Variants in CNTN6 observed in about 807,000 individuals in gnomAD.
The protein encoded by CNTN6 is contactin 6, also known as contactin-6.
In CNTN6, 137 loss-of-function variants were observed where a neutral mutation model predicts 122.8. That is an observed-to-expected ratio of 1.12 (90% CI 0.97 to 1.29). The LOEUF (loss-of-function observed/expected upper bound fraction) is 1.29, where lower values mean the gene tolerates loss of function less well. Ranked by LOEUF, CNTN6 falls within the 50% of genes most tolerant of loss-of-function variation. The pLI is 0.00. For missense variants in CNTN6, 1,634 were observed against 1,223.4 expected, an observed-to-expected ratio of 1.34 and a Z score of -5.01; for synonymous variants, 570 against 426.0, an observed-to-expected ratio of 1.34 and a Z score of -4.16.
chr3:1,200,734 G>A (rs1459939536), intron 2 of CNTN6, among the ~76,000 whole-genome samples: 1 of 152,078 alleles, frequency 6.6e-6, no homozygotes, highest in South Asian at 2.1e-4. Flanking sequence ...CTCAGGATTA[G>A]TTCCTCATTC....
At chr3:1,102,397 G>A (rs190287218) in intron 1 of CNTN6, among the ~76,000 whole-genome samples, 13 of 152,288 alleles carry the variant, frequency 8.5e-5, no homozygotes, top group Admixed American at 1.3e-4. Context: ...CAGAAATCAG[G>A]TGTGCCGCTA....
chr3:1,273,941 C>T (rs1280905538), intron 4 of CNTN6, among the ~76,000 whole-genome samples: 1 of 152,158 alleles, frequency 6.6e-6, no homozygotes, highest in African/African-American at 2.4e-5. Flanking sequence ...GATTGTGGAG[C>T]ACTGACAATG....
At chr3:1,388,284 A>ACCC (rs555674688) in intron 20 of CNTN6, among the ~76,000 whole-genome samples, 1 of 147,598 alleles carries the variant, frequency 6.8e-6, no homozygotes, top group Non-Finnish European at 1.5e-5. Context: ...ACTGGGAGGC[A>ACCC]CCCCCCAGCA....
intron 8 of CNTN6, among the ~76,000 whole-genome samples, 157 bp downstream of exon 8, chr3:1,321,991 G>T (rs548886469): frequency 6.6e-6 from 1 of 151,576 alleles, no homozygotes; most frequent in East Asian, 1.9e-4. Context: ...TAGCAGATGG[G>T]AATGACCACC....
At chr3:1,107,570 A>T (rs1470058248) in intron 1 of CNTN6, among the ~76,000 whole-genome samples, 1 of 152,124 alleles carries the variant, frequency 6.6e-6, no homozygotes, top group Non-Finnish European at 1.5e-5. Flanking sequence ...ACTCCAAAAG[A>T]TCAAAGTAAA....
At chr3:1,294,843 T>C (rs774541606) in intron 5 of CNTN6, among the ~76,000 whole-genome samples, 2 of 152,200 alleles carry the variant, frequency 1.3e-5, no homozygotes, top group Admixed American at 6.5e-5. Flanking sequence ...TTATCCTTCA[T>C]TGAGATTACT....
chr3:1,179,546 G>T (rs1254825168), intron 2 of CNTN6, among the ~76,000 whole-genome samples: 1 of 152,178 alleles, frequency 6.6e-6, no homozygotes, highest in Non-Finnish European at 1.5e-5. Context: ...ATTCTGGGAA[G>T]GGAGTAGAGT....
intron 11 of CNTN6, among the ~76,000 whole-genome samples, chr3:1,332,014 A>T (rs1702360583): frequency 6.6e-6 from 1 of 151,944 alleles, no homozygotes; most frequent in South Asian, 2.1e-4. Flanking sequence ...CTCTGTGATT[A>T]AGGGAATGAA....
rs758525683 is a variant in CNTN6, at chr3:1,295,569, TG to T, written c.455-31del. 2.6e-6 allele frequency: 4 copies of T among 1,549,962 alleles called. No homozygotes were observed. The South Asian group carries it at 4.5e-5, about 17-fold the overall frequency. ...GAATGCAGTAAGGACAGTATGGTTT[TG>T]TTTTGTTTTGTTTTGTTTCTTGTTT... On this transcript the variant is annotated intron_variant, in intron 5 of 22. Transcript: ENST00000446702.
Position 1,385,685 on chromosome 3 carries a change from A to AAACATCACGGGGCTGAAAGCTAATACC in CNTN6, c.2594_2620dup (p.Asn865_Thr873dup). The AAACATCACGGGGCTGAAAGCTAATACC allele has an allele frequency of 6.2e-7, 1 of 1,614,102 alleles. No individual in the cohort carries two copies. Among genetic ancestry groups the AAACATCACGGGGCTGAAAGCTAATACC allele is most frequent in the African/African-American group, 1.3e-5 (1 of 75,038 alleles). On this transcript the variant is annotated inframe_insertion, in exon 20 of 23. Transcript: ENST00000446702. ...GAGTCAGTGGAAATGTCACAACCAAAAACATCACGGGGCTGAAAGCTAATA... is the reference window on the plus strand; with the variant it reads ...GAGTCAGTGGAAATGTCACAACCAAAAACATCACGGGGCTGAAAGCTAATACCAACATCACGGGGCTGAAAGCTAATA...
intron 4 of CNTN6, among the ~76,000 whole-genome samples, chr3:1,271,734 C>T (rs1216190483): frequency 1.3e-5 from 2 of 152,068 alleles, no homozygotes; most frequent in African/African-American, 2.4e-5. Flanking sequence ...GCACCTTTAC[C>T]CCTCCGCTAG....
In CNTN6 at chr3:1,227,926, G is replaced by A. The variant is rs1342195980; in HGVS notation, c.291G>A (p.Met97Ile). 1.9e-6 allele frequency: 3 copies of A among 1,613,976 alleles called. No individual in the cohort carries two copies. The highest frequency in any genetic ancestry group is 1.1e-5 in the South Asian group (1 of 91,072). Residue 97 changes from methionine (M) to isoleucine (I), a missense_variant, in exon 4 of 23, where the codon ATG becomes ATA. Transcript: ENST00000446702. ...NSPHTDQDIG[M>I]YQCLATNLLG... ...CCCACACAGATCAAGATATTGGCAT[G>A]TACCAGTGCCTGGCCACCAATCTTC...
chr3:1,332,343 A>C (rs556324280), intron 11 of CNTN6, among the ~76,000 whole-genome samples: 1 of 152,094 alleles, frequency 6.6e-6, no homozygotes, highest in Non-Finnish European at 1.5e-5. Context: ...TATTAAGTGC[A>C]TGGCTTCAAG....
Position 1,354,711 on chromosome 3 carries a change from A to G in CNTN6, c.1492+2260A>G, listed in dbSNP as rs936033944. On this transcript the variant is annotated intron_variant, in intron 12 of 22. Transcript: ENST00000446702. ...TTAATAAAATGTTATTATCTTATGC[A>G]GCTTAGTTCATAGGGATATTTTTCA... is the stretch of plus-strand genomic sequence containing the variant. Among the ~76,000 whole-genome samples the G allele has an allele frequency of 5.3e-5, 8 of 151,566 alleles. No homozygotes were observed. In the Admixed American group the frequency reaches 5.3e-4, roughly 10 times the overall value.
At chr3:1,284,259 A>C (rs552022074) in intron 5 of CNTN6, among the ~76,000 whole-genome samples, 1 of 152,310 alleles carries the variant, frequency 6.6e-6, no homozygotes, top group Admixed American at 6.5e-5. Context: ...AGTCATTCCA[A>C]GCAAAGGCTC....
At chr3:1,339,553 AG>A (rs2126032025) in intron 11 of CNTN6, among the ~76,000 whole-genome samples, 1 of 152,284 alleles carries the variant, frequency 6.6e-6, no homozygotes, top group South Asian at 2.1e-4. Context: ...CTTGGCTTAC[AG>A]GAGTCTAGAA....
intron 2 of CNTN6, among the ~76,000 whole-genome samples, chr3:1,194,610 C>T (rs1293868923): frequency 1.3e-5 from 2 of 152,088 alleles, no homozygotes; most frequent in African/African-American, 4.8e-5. Flanking sequence ...TATCACCCTC[C>T]TCTCCTCACA....
At chr3:1,280,668 T>C (rs1471665219) in intron 5 of CNTN6, among the ~76,000 whole-genome samples, 1 of 151,870 alleles carries the variant, frequency 6.6e-6, no homozygotes, top group African/African-American at 2.4e-5. Context: ...TTTCGCCATG[T>C]TGGCCAGGCT....
At chr3:1,212,497 A>ACATACATG (rs1553627158) in intron 2 of CNTN6, among the ~76,000 whole-genome samples, 2 of 120,722 alleles carry the variant, frequency 1.7e-5, no homozygotes, top group Admixed American at 2.2e-4. Flanking sequence ...ATATATATAC[A>ACATACATG]TGTGTGTATA....
Sources: gnomAD v4.1 joint callset for allele counts (sites outside exome capture counted in the v4.1 genomes callset) on GRCh38, gnomAD v4.1.1 for gene constraint, MANE v1.5 for transcripts, NCBI Gene and HGNC (gene_info 2026-07-23, HGNC 2026-07-21) for gene names.